FBLN7: variants seen among roughly 807,000 people sequenced by gnomAD.
FBLN7 encodes fibulin 7.
FBLN7 carries 31 observed loss-of-function variants against 44.0 expected under a neutral mutation model. The observed-to-expected ratio is 0.70, with a 90% CI of 0.53 to 0.95. The LOEUF (loss-of-function observed/expected upper bound fraction) is 0.95. Ranked by LOEUF, FBLN7 falls within the 40% of genes least tolerant of loss-of-function variation. FBLN7 has a pLI of 0.00. For missense variants in FBLN7, 573 were observed against 618.5 expected (o/e 0.93, Z 0.78); for synonymous variants, 262 against 253.4 (o/e 1.03, Z -0.32).
chr2:112,212,420 T>C, the FBLN7 span: 2 of 152,234 alleles, frequency 1.3e-5, no homozygotes, highest in Non-Finnish European at 2.9e-5. Context: ...ATGTAGTTTT[T>C]GGTGAAGAGG....
At chr2:112,185,160 G>C in intron 6 of FBLN7, 41 bp from the exon 7 acceptor site, 1 of 1,591,446 alleles carries the variant, frequency 6.3e-7, no homozygotes, top group South Asian at 1.1e-5. Context: ...ATGGAGGGAA[G>C]GTCAGGGCGA....
the FBLN7 span, among the ~76,000 whole-genome samples, chr2:112,206,412 T>A: frequency 5.9e-5 from 9 of 152,346 alleles, no homozygotes; most frequent in Non-Finnish European, 1.0e-4. Flanking sequence ...GTTTCATTGA[T>A]CTCTACAGTT....
chr2:112,154,825 C>G (rs1681335052), intron 1 of FBLN7, among the ~76,000 whole-genome samples: 1 of 152,230 alleles, frequency 6.6e-6, no homozygotes, highest in East Asian at 1.9e-4. Flanking sequence ...GCAAGGAGCC[C>G]CCTGCCCAGA....
At position 112,187,572 on chromosome 2, in the gene FBLN7, G is replaced by A. The variant is rs775234137; in HGVS notation, c.*66G>A. 225 of 1,568,976 alleles carry A rather than the reference G, an allele frequency of 1.4e-4. No homozygotes were observed. Among genetic ancestry groups the A allele is most frequent in the Non-Finnish European group, 1.8e-4 (203 of 1,154,974 alleles). Reference sequence around the variant, plus strand: ...TTCTCTTCCCCGAAGGCTCAGCTTCGGGCACCGACTGCGTGGAGCCTCCCG... The same window carrying A: ...TTCTCTTCCCCGAAGGCTCAGCTTCAGGCACCGACTGCGTGGAGCCTCCCG... On this transcript the variant is annotated 3_prime_UTR_variant, in exon 8 of 8. Transcript: ENST00000331203. The surrounding 1 kb of genome is among the most constrained non-coding windows in gnomAD (Gnocchi z 5.1).
chr2:112,220,574 C>G, the FBLN7 span, among the ~76,000 whole-genome samples: 1 of 152,166 alleles, frequency 6.6e-6, no homozygotes, highest in Non-Finnish European at 1.5e-5. Context: ...GTGATCCCAG[C>G]ACTTCAGGAG....
chr2:112,159,790 G>A lies in FBLN7; in HGVS notation c.190G>A (p.Ala64Thr). The A allele has an allele frequency of 4.4e-6, 7 of 1,594,708 alleles. No homozygotes were observed. The highest frequency in any genetic ancestry group is 1.8e-4 in the Middle Eastern group (1 of 5,646). The change falls in exon 2 of 8, where the codon GCG becomes ACG. Residue 64 changes from alanine to threonine, a missense_variant. By Grantham distance (58) the Ala-to-Thr change is moderately conservative. Coordinates refer to ENST00000331203, the MANE Select transcript of FBLN7 (RefSeq NM_153214.3). ...CCGCCACATGAAGAGCCGGCTGGCC[G>A]CGCTGCAGAACTCTGTGGGCAGGGT... is the stretch of plus-strand genomic sequence containing the variant. Reference protein sequence around the residue: ...GIRHMKSRLAALQNSVGRVGP... With the variant: ...GIRHMKSRLATLQNSVGRVGP...
chr2:112,185,868 CTTTT>C, intron 7 of FBLN7, among the ~76,000 whole-genome samples: 1 of 139,944 alleles, frequency 7.1e-6, no homozygotes, highest in South Asian at 2.4e-4. Context: ...GCAAGTAGAG[CTTTT>C]TTTTTTTTTT....
chr2:112,224,815 GAGA>G, the FBLN7 span, among the ~76,000 whole-genome samples: 1 of 152,220 alleles, frequency 6.6e-6, no homozygotes, highest in Non-Finnish European at 1.5e-5. Flanking sequence ...TAAGGTCTGA[GAGA>G]AGGAGAAGAA....
chr2:112,178,269 C>CA (rs60515148), intron 4 of FBLN7, among the ~76,000 whole-genome samples: 5 of 144,280 alleles, frequency 3.5e-5, no homozygotes, highest in African/African-American at 1.3e-4. Flanking sequence ...AAAAAAAAAA[C>CA]CAAAAGAAAA....
At chr2:112,186,648 TAAATA>T (rs999475654) in intron 7 of FBLN7, among the ~76,000 whole-genome samples, 3 of 151,924 alleles carry the variant, frequency 2.0e-5, no homozygotes, top group African/African-American at 7.3e-5. Context: ...TAAAAATAAA[TAAATA>T]AAATACATGC....
At chr2:112,151,145 T>TGGATTCCACTGGCAGAAC (rs1009189976) in intron 1 of FBLN7, among the ~76,000 whole-genome samples, 1 of 152,134 alleles carries the variant, frequency 6.6e-6, no homozygotes. Flanking sequence ...TAAGAGGGCC[T>TGGATTCCACTGGCAGAAC]GGATTCCACT....
At chr2:112,228,006 A>T in the FBLN7 span, among the ~76,000 whole-genome samples, 1 of 152,268 alleles carries the variant, frequency 6.6e-6, no homozygotes, top group Non-Finnish European at 1.5e-5. Flanking sequence ...AAAGTAGAAC[A>T]AAGCTAGACA....
At chr2:112,169,022 G>A (rs574746517) in intron 3 of FBLN7, among the ~76,000 whole-genome samples, 52 of 152,198 alleles carry the variant, frequency 3.4e-4, no homozygotes, top group African/African-American at 7.2e-4. Context: ...CTGTAATCCC[G>A]GCACTTTGTG....
At chr2:112,222,388 G>A in the FBLN7 span, among the ~76,000 whole-genome samples, 1 of 152,124 alleles carries the variant, frequency 6.6e-6, no homozygotes, top group African/African-American at 2.4e-5. Context: ...TACAAGAGGT[G>A]GGGGGAGGGT....
At chr2:112,209,335 T>G in the FBLN7 span, among the ~76,000 whole-genome samples, 16 of 152,230 alleles carry the variant, frequency 1.1e-4, no homozygotes, top group African/African-American at 3.9e-4. Flanking sequence ...GCTTCAGAAC[T>G]TCTGAGTTTG....
chr2:112,236,011 G>A, the FBLN7 span, among the ~76,000 whole-genome samples: 1 of 151,920 alleles, frequency 6.6e-6, no homozygotes, highest in Non-Finnish European at 1.5e-5. Flanking sequence ...ACTTAGGGAG[G>A]TGGTGGGTGG....
intron 3 of FBLN7, among the ~76,000 whole-genome samples, chr2:112,172,627 C>CTTTTTTTT (rs35062438): frequency 3.6e-4 from 32 of 88,132 alleles, no homozygotes; most frequent in East Asian, 1.1e-3. Flanking sequence ...CTTTTTCTTT[C>CTTTTTTTT]TTTTTTTTTT....
rs1553474956 is a variant in FBLN7 at position 112,160,736 on chromosome 2, A to ACG, written c.235+903_235+904dup. Among the ~76,000 whole-genome samples, 726 of 102,172 alleles carry ACG rather than the reference A, an allele frequency of 7.1e-3. 11 individuals carry two copies. Among genetic ancestry groups the ACG allele is most frequent in the African/African-American group, 0.024 (632 of 25,960 alleles). The allele number at this position is 102,172 out of a possible 152,430, so 67.0% of individuals were successfully genotyped here. On this transcript the variant is annotated intron_variant, in intron 2 of 7. Coordinates refer to ENST00000331203, the MANE Select transcript of FBLN7 (RefSeq NM_153214.3). ...CACAAGCACGCGCACACGCACGCACACGCACACACGCGCACGCACACACGC... is the reference window on the plus strand; with the variant it reads ...CACAAGCACGCGCACACGCACGCACACGCGCACACACGCGCACGCACACACGC...
chr2:112,243,557 A>G, the FBLN7 span, among the ~76,000 whole-genome samples: 8 of 152,196 alleles, frequency 5.3e-5, no homozygotes, highest in Non-Finnish European at 7.4e-5. Flanking sequence ...TTGAACCCCA[A>G]TTAAGCAAAT....
Sources: allele counts gnomAD v4.1 joint callset (sites outside exome capture counted in the v4.1 genomes callset), GRCh38; gene constraint gnomAD v4.1.1; non-coding constraint Gnocchi (gnomAD v3.1); transcripts MANE v1.5; gene names NCBI Gene and HGNC (gene_info 2026-07-23, HGNC 2026-07-21).